Variants in SPRED1 observed in about 807,000 individuals in gnomAD.
The protein encoded by SPRED1 is sprouty related EVH1 domain containing 1.
Under a neutral mutation model 52.3 loss-of-function variants are expected in SPRED1, and 18 were observed. The observed-to-expected ratio is 0.34, with a 90% CI of 0.24 to 0.51. SPRED1 has a LOEUF of 0.51. Among genes scored for constraint, SPRED1 ranks in the 20% least tolerant of loss-of-function variants. SPRED1 has a pLI of 0.97. For synonymous variants in SPRED1, 155 were observed against 179.7 expected (o/e 0.86, Z 1.10); for missense variants, 485 against 551.0 (o/e 0.88, Z 1.20).
Position 38,342,571 on chromosome 15 carries a change from G to GA in SPRED1, c.582+2683dup, listed in dbSNP as rs945104674. On this transcript the variant is annotated intron_variant, in intron 5 of 6. Transcript: ENST00000299084. ...GCTGAACCTCAGTTTTCATTTATCTGAAAAAAATCTTTTATTTCCTTCATT... is the reference window on the plus strand; with the variant it reads ...GCTGAACCTCAGTTTTCATTTATCTGAAAAAAAATCTTTTATTTCCTTCATT... 3.3e-5 allele frequency among the ~76,000 whole-genome samples: 5 copies of GA among 151,750 alleles called. No individual in the cohort carries two copies. The South Asian group carries it at 8.3e-4, about 25-fold the overall frequency.
At chr15:38,314,554 TTTA>T (rs1473050523) in intron 2 of SPRED1, among the ~76,000 whole-genome samples, 1 of 151,904 alleles carries the variant, frequency 6.6e-6, no homozygotes, top group African/African-American at 2.4e-5. Context: ...TGTTCTAATT[TTTA>T]TTATTTGCAC....
At chr15:38,316,748 G>GGTTTTTTTT in intron 2 of SPRED1, among the ~76,000 whole-genome samples, 652 of 41,304 alleles carry the variant, frequency 0.016, 88 homozygotes, top group Non-Finnish European at 0.021. Flanking sequence ...TCCATTATAT[G>GGTTTTTTTT]TTTTTTTTTT....
intron 4 of SPRED1, among the ~76,000 whole-genome samples, chr15:38,326,872 C>T (rs1477789249): frequency 1.3e-5 from 2 of 152,108 alleles, no homozygotes; most frequent in Non-Finnish European, 2.9e-5. Flanking sequence ...GCCAGAGCCA[C>T]GAGTTATGAA....
At chr15:38,330,047 TA>T (rs1268795169) in intron 4 of SPRED1, among the ~76,000 whole-genome samples, 1 of 152,342 alleles carries the variant, frequency 6.6e-6, no homozygotes, top group East Asian at 1.9e-4. Context: ...ACTTATCATT[TA>T]AAGGGTTGAA....
chr15:38,287,691 T>C (rs1327907075), intron 1 of SPRED1, among the ~76,000 whole-genome samples: 1 of 152,178 alleles, frequency 6.6e-6, no homozygotes, highest in East Asian at 1.9e-4. Flanking sequence ...CAAAATCTTA[T>C]TATTCCCTCA....
chr15:38,351,118 T>C lies in SPRED1; in HGVS notation c.789T>C (p.His263=). The part of the protein sequence containing the change: ...ILIRRYADYR[H]PDMWKNDLER... ...TACGTCGCTATGCAGACTACAGACA[T>C]CCTGACATGTGGAAAAATGACTTGG... The change falls in exon 7 of 7, where the codon CAT becomes CAC. Residue 263 remains histidine, a synonymous_variant. Coordinates refer to ENST00000299084, the MANE Select transcript of SPRED1 (RefSeq NM_152594.3). 1.2e-6 allele frequency: 2 copies of C among 1,614,048 alleles called. No homozygotes were observed. The highest frequency in any genetic ancestry group is 1.7e-6 in the Non-Finnish European group (2 of 1,179,988).
Position 38,344,204 on chromosome 15 carries a change from C to A in SPRED1, c.582+4309C>A, listed in dbSNP as rs145255323. Among the ~76,000 whole-genome samples the A allele has an allele frequency of 4.6e-5, 7 of 152,216 alleles. No homozygotes were observed. The East Asian group carries it at 1.4e-3, about 29-fold the overall frequency. The stretch of plus-strand genomic sequence containing the variant: ...GAGTGGCGGGCAGAAGAACTCATCT[C>A]AACATAGGAGAGAGTGGAAGTATGC... On this transcript the variant is annotated intron_variant, in intron 5 of 6. Transcript: ENST00000299084.
At chr15:38,327,855 G>T (rs1409329442) in intron 4 of SPRED1, among the ~76,000 whole-genome samples, 1 of 152,186 alleles carries the variant, frequency 6.6e-6, no homozygotes, top group East Asian at 1.9e-4. Context: ...GGTAAAGAAT[G>T]CACAAGCAGT....
intron 4 of SPRED1, among the ~76,000 whole-genome samples, chr15:38,329,561 C>T (rs1341740070): frequency 1.3e-5 from 2 of 151,960 alleles, no homozygotes; most frequent in Non-Finnish European, 2.9e-5. Context: ...TTCAGAAAGC[C>T]CTGTTGTATC....
rs1555392025 is a variant in SPRED1 at position 38,339,762 on chromosome 15, C to T, written c.449C>T (p.Ser150Phe). 4 of 1,613,846 alleles carry T rather than the reference C, an allele frequency of 2.5e-6. No individual in the cohort carries two copies. The highest frequency in any genetic ancestry group is 3.4e-6 in the Non-Finnish European group (4 of 1,179,888). ...GCAAATGAAGAGGATTCTTCCAGTT[C>T]TCTAGTGAAGGATCACCTTTTTCAG... Reference protein sequence around the residue: ...LQANEEDSSSSLVKDHLFQQE... With the variant: ...LQANEEDSSSFLVKDHLFQQE... The change falls in exon 5 of 7, where the codon TCT becomes TTT. Residue 150 changes from serine (S) to phenylalanine (F), a missense_variant. This residue lies in a region of SPRED1 where 232 missense variants were observed against 231.8 expected (regional missense o/e 1.00). Transcript: ENST00000299084.
chr15:38,274,162 G>A (rs1307935176), intron 1 of SPRED1, among the ~76,000 whole-genome samples: 1 of 152,130 alleles, frequency 6.6e-6, no homozygotes, highest in Admixed American at 6.5e-5. Flanking sequence ...TTTTTAAATG[G>A]TCAGACTACA....
At chr15:38,329,095 C>G (rs1895763230) in intron 4 of SPRED1, among the ~76,000 whole-genome samples, 1 of 151,996 alleles carries the variant, frequency 6.6e-6, no homozygotes, top group Non-Finnish European at 1.5e-5. Flanking sequence ...ACAGAGTTGT[C>G]ACAACATTTA....
chr15:38,301,668 G>A (rs1218359431), intron 2 of SPRED1, among the ~76,000 whole-genome samples: 1 of 152,116 alleles, frequency 6.6e-6, no homozygotes, highest in African/African-American at 2.4e-5. Context: ...ATTGAAATGA[G>A]ATTAATTTGC....
intron 2 of SPRED1, among the ~76,000 whole-genome samples, chr15:38,321,174 A>G (rs2140994034): frequency 6.6e-6 from 1 of 152,346 alleles, no homozygotes; most frequent in East Asian, 1.9e-4. Context: ...GAAATAGTTC[A>G]TAATAAAGTA....
chr15:38,287,057 T>C (rs760358190), intron 1 of SPRED1, among the ~76,000 whole-genome samples: 8 of 152,208 alleles, frequency 5.3e-5, no homozygotes, highest in Admixed American at 2.0e-4. Flanking sequence ...TCTTATGTAA[T>C]AATGCAGCTG....
intron 5 of SPRED1, among the ~76,000 whole-genome samples, chr15:38,348,589 TA>T (rs541029279): frequency 4.1e-4 from 63 of 152,262 alleles, no homozygotes; most frequent in African/African-American, 1.5e-3. Flanking sequence ...TATCTGCATG[TA>T]TTACTATTTA....
intron 2 of SPRED1, among the ~76,000 whole-genome samples, chr15:38,313,457 A>C (rs963190475): frequency 6.6e-6 from 1 of 151,944 alleles, no homozygotes; most frequent in African/African-American, 2.4e-5. Flanking sequence ...CCAGAATATC[A>C]TATAACATCT....
intron 1 of SPRED1, among the ~76,000 whole-genome samples, chr15:38,278,828 G>GTTTTTTTTTTTTTT (rs765637726): frequency 1.7e-5 from 2 of 118,248 alleles, no homozygotes; most frequent in Non-Finnish European, 1.7e-5. Context: ...TAACTACACT[G>GTTTTTTTTTTTTTT]TTTTTTTTTT....
intron 1 of SPRED1, among the ~76,000 whole-genome samples, chr15:38,295,296 T>A (rs955663157): frequency 6.6e-6 from 1 of 152,168 alleles, no homozygotes; most frequent in Non-Finnish European, 1.5e-5. Context: ...CACAAAAATT[T>A]CATAATGTTT....
Sources: allele counts gnomAD v4.1 joint callset (sites outside exome capture counted in the v4.1 genomes callset), GRCh38; gene constraint gnomAD v4.1.1; regional missense constraint gnomAD v4.1.1; transcripts MANE v1.5; gene names NCBI Gene and HGNC (gene_info 2026-07-23, HGNC 2026-07-21).